Variants in SEC14L1 observed in about 807,000 individuals in gnomAD.
SEC14L1 encodes the protein SEC14-like protein 1.
In SEC14L1, 48 loss-of-function variants were observed where a neutral mutation model predicts 85.3. That is an observed-to-expected ratio of 0.56 (90% CI 0.45 to 0.72). SEC14L1 has a LOEUF of 0.72. SEC14L1 is among the 30% of genes least tolerant of loss of function. The probability of loss-of-function intolerance (pLI) is 0.00; values close to 1 mark genes in which losing one functional copy is unlikely to be tolerated. For missense variants in SEC14L1, 682 were observed against 921.4 expected, an observed-to-expected ratio of 0.74 and a Z score of 3.36; for synonymous variants, 391 against 355.5, an observed-to-expected ratio of 1.10 and a Z score of -1.12.
At chr17:77,150,421 A>T (rs1973504103) in intron 3 of SEC14L1, among the ~76,000 whole-genome samples, 1 of 152,224 alleles carries the variant, frequency 6.6e-6, no homozygotes, top group Non-Finnish European at 1.5e-5. Flanking sequence ...CTCACCTCCA[A>T]ATACCAGGGG....
upstream of SEC14L1, among the ~76,000 whole-genome samples, chr17:77,139,184 G>A (rs74668794): frequency 5.9e-5 from 3 of 50,630 alleles, no homozygotes; most frequent in African/African-American, 2.4e-4. Context: ...TTTTTTTTTT[G>A]ACACGGAGTC....
chr17:77,160,603 ATTTAT>A (rs1171490139), intron 3 of SEC14L1, among the ~76,000 whole-genome samples: 1 of 152,246 alleles, frequency 6.6e-6, no homozygotes, highest in Non-Finnish European at 1.5e-5. Flanking sequence ...GACATTCAAG[ATTTAT>A]TGACGGAGAC....
rs1567923529 is a variant in SEC14L1 at position 77,194,631 on chromosome 17, T to G, written c.475-46T>G. 3 of 1,448,120 alleles carry G rather than the reference T, an allele frequency of 2.1e-6. No homozygotes were observed. In the South Asian group the frequency reaches 3.5e-5, roughly 17 times the overall value. The allele number at this position is 1,448,120 out of a possible 1,614,324, so 89.7% of individuals were successfully genotyped here. On this transcript the variant is annotated intron_variant, in intron 6 of 16. Coordinates refer to ENST00000436233, the MANE Select transcript of SEC14L1 (RefSeq NM_001143998.2). ...AAAATCTTGGGAGAGATGAGTAATTTGAATGTTGAATATATACTCACCTTT... is the reference window on the plus strand; with the variant it reads ...AAAATCTTGGGAGAGATGAGTAATTGGAATGTTGAATATATACTCACCTTT...
upstream of SEC14L1, among the ~76,000 whole-genome samples, chr17:77,138,180 G>A (rs1396325566): frequency 2.0e-5 from 3 of 152,164 alleles, no homozygotes; most frequent in South Asian, 2.1e-4. Flanking sequence ...TCAAGGGGAG[G>A]ATCTGCAAAA....
intron 3 of SEC14L1, among the ~76,000 whole-genome samples, chr17:77,125,351 A>G (rs1382463130): frequency 1.3e-5 from 2 of 151,808 alleles, no homozygotes; most frequent in Non-Finnish European, 2.9e-5. Context: ...TCTTCTTATT[A>G]TTTTCACCAA....
intron 3 of SEC14L1, among the ~76,000 whole-genome samples, chr17:77,111,115 C>A (rs1378828125): frequency 1.3e-5 from 2 of 151,238 alleles, no homozygotes; most frequent in Non-Finnish European, 2.9e-5. Flanking sequence ...ATCGCTTGAA[C>A]CCAGGAGGCA....
chr17:77,164,373 A>G (rs1293346705), intron 3 of SEC14L1, among the ~76,000 whole-genome samples: 1 of 152,216 alleles, frequency 6.6e-6, no homozygotes, highest in East Asian at 1.9e-4. Context: ...CAATTTGGTC[A>G]ATTAAACTCA....
intron 1 of SEC14L1, chr17:77,141,327 T>G (rs952333447): frequency 4.1e-5 from 1 of 24,576 alleles, no homozygotes; most frequent in Admixed American, 5.5e-4. Context: ...TCGCCGCCCC[T>G]CGCCCCCCTC....
At chr17:77,189,627 G>GTT (rs1555625877) in intron 3 of SEC14L1, among the ~76,000 whole-genome samples, 3 of 135,936 alleles carry the variant, frequency 2.2e-5, no homozygotes, top group Non-Finnish European at 5.0e-5. Flanking sequence ...CTTAACAGGG[G>GTT]TTTTGTTTTG....
At chr17:77,128,329 G>T (rs930106221) in intron 3 of SEC14L1, among the ~76,000 whole-genome samples, 1 of 152,116 alleles carries the variant, frequency 6.6e-6, no homozygotes, top group Non-Finnish European at 1.5e-5. Flanking sequence ...AGGGGTGGGC[G>T]GGGGTGCAGA....
chr17:77,123,938 A>C (rs1432704723), intron 3 of SEC14L1, among the ~76,000 whole-genome samples: 1 of 152,214 alleles, frequency 6.6e-6, no homozygotes, highest in Non-Finnish European at 1.5e-5. Context: ...CATTGATATA[A>C]AAACATTTAA....
intron 3 of SEC14L1, among the ~76,000 whole-genome samples, chr17:77,154,369 G>A (rs9911470): frequency 0.26 from 39,987 of 152,148 alleles, 5,477 homozygotes; most frequent in African/African-American, 0.32. Context: ...AGCTACTCAG[G>A]AGACTTGAGA....
chr17:77,197,162 G>A (rs569851984), intron 8 of SEC14L1, among the ~76,000 whole-genome samples: 1 of 152,316 alleles, frequency 6.6e-6, no homozygotes, highest in South Asian at 2.1e-4. Context: ...ATGATGCCAC[G>A]TCAGTAGGCC....
At chr17:77,178,581 T>C (rs897058022) in intron 3 of SEC14L1, among the ~76,000 whole-genome samples, 2 of 152,210 alleles carry the variant, frequency 1.3e-5, no homozygotes, top group African/African-American at 4.8e-5. Context: ...AGACAGTTGT[T>C]CCACGGATTG....
At chr17:77,200,246 T>A (rs1362801860) in intron 8 of SEC14L1, among the ~76,000 whole-genome samples, 1 of 152,142 alleles carries the variant, frequency 6.6e-6, no homozygotes, top group Non-Finnish European at 1.5e-5. Context: ...CTCGGCTCGC[T>A]GCAGCCTCCA....
chr17:77,191,333 C>T lies in SEC14L1; in HGVS notation c.345+21C>T, dbSNP rs200241315. ...ACACCGTGAGTAATCTGTCACTCGGCGGAAGATGTTCTGCCGACATATGGC... is the reference window on the plus strand; with the variant it reads ...ACACCGTGAGTAATCTGTCACTCGGTGGAAGATGTTCTGCCGACATATGGC... On this transcript the variant is annotated intron_variant, in intron 5 of 16. Coordinates refer to ENST00000436233, the MANE Select transcript of SEC14L1 (RefSeq NM_001143998.2). 1.2e-4 allele frequency: 191 copies of T among 1,613,046 alleles called. 1 individual carries two copies. Among genetic ancestry groups the T allele is most frequent in the South Asian group, 6.3e-4 (57 of 90,910 alleles).
upstream of SEC14L1, among the ~76,000 whole-genome samples, chr17:77,140,160 G>A (rs1176762856): frequency 6.6e-6 from 1 of 152,236 alleles, no homozygotes; most frequent in African/African-American, 2.4e-5. Context: ...AAATGTCTCA[G>A]TGGTACCGGA....
intron 8 of SEC14L1, among the ~76,000 whole-genome samples, chr17:77,196,754 T>C (rs1975827793): frequency 6.6e-6 from 1 of 152,214 alleles, no homozygotes; most frequent in African/African-American, 2.4e-5. Context: ...TCTAGCGAGT[T>C]ATTGGCATTA....
intron 7 of SEC14L1, among the ~76,000 whole-genome samples, chr17:77,195,457 C>T (rs564699468): frequency 1.2e-4 from 18 of 151,512 alleles, no homozygotes; most frequent in African/African-American, 4.4e-4. Context: ...TAGCTGGGAC[C>T]ACAGGCATGT....
Sources: gnomAD v4.1 joint callset for allele counts (sites outside exome capture counted in the v4.1 genomes callset) on GRCh38, gnomAD v4.1.1 for gene constraint, MANE v1.5 for transcripts, NCBI Gene and HGNC (gene_info 2026-07-23, HGNC 2026-07-21) for gene names.